Variants in PACSIN1 observed in about 807,000 individuals in gnomAD.
PACSIN1 encodes the protein protein kinase C and casein kinase substrate in neurons 1.
A neutral mutation model predicts 59.5 loss-of-function variants in PACSIN1; 15 were observed. The ratio of observed to expected loss-of-function variants is 0.25; its 90% CI spans 0.17 to 0.39. The LOEUF (loss-of-function observed/expected upper bound fraction) is 0.39. PACSIN1 is among the 10% of genes least tolerant of loss of function. The pLI is 1.00. For synonymous variants in PACSIN1, 210 were observed against 220.6 expected, an observed-to-expected ratio of 0.95 and a Z score of 0.42; for missense variants, 420 against 580.2, an observed-to-expected ratio of 0.72 and a Z score of 2.84.
chr6:34,530,459 G>A lies in PACSIN1; in HGVS notation c.910-1G>A. 6.3e-7 allele frequency: 1 copy of A among 1,599,382 alleles called. No individual in the cohort carries two copies. Among genetic ancestry groups the A allele is most frequent in the Non-Finnish European group, 8.5e-7 (1 of 1,172,172 alleles). ...CCTGACTGCTCCACTGGCCCCACCA[G>A]GAGTGGAACCCAGACCTTCCTCACA... On this transcript the variant is annotated splice_acceptor_variant, in intron 7 of 9. Coordinates refer to ENST00000244458, the MANE Select transcript of PACSIN1 (RefSeq NM_020804.5). LOFTEE classifies it high-confidence loss of function. The surrounding 1 kb of genome is among the most constrained non-coding windows in gnomAD (Gnocchi z 4.4).
chr6:34,468,487 C>T (rs774344074), intron 1 of PACSIN1, among the ~76,000 whole-genome samples: 6 of 152,228 alleles, frequency 3.9e-5, no homozygotes, highest in Non-Finnish European at 5.9e-5. Context: ...GTCTCCCTAA[C>T]GTGGCTCTGC....
At chr6:34,494,801 G>A (rs1406506409) in intron 1 of PACSIN1, among the ~76,000 whole-genome samples, 1 of 152,174 alleles carries the variant, frequency 6.6e-6, no homozygotes, top group Non-Finnish European at 1.5e-5. Flanking sequence ...ACCATACTTT[G>A]AGTATCGAGG....
chr6:34,480,902 A>G (rs1766708874), intron 1 of PACSIN1, among the ~76,000 whole-genome samples: 1 of 151,286 alleles, frequency 6.6e-6, no homozygotes. Flanking sequence ...GGTTACTAGC[A>G]GACTTTTTTT....
Position 34,505,631 on chromosome 6 carries a change from C to CTTTTTT in PACSIN1, c.-63-20600_-63-20595dup, listed in dbSNP as rs35588714. Among the ~76,000 whole-genome samples the CTTTTTT allele has an allele frequency of 4.5e-4, 48 of 106,410 alleles. 1 individual carries two copies. Among genetic ancestry groups the CTTTTTT allele is most frequent in the African/African-American group, 1.8e-3 (46 of 26,038 alleles). 69.8% of individuals were successfully genotyped at this position (106,410 alleles called of 152,430 possible). A position where few individuals can be genotyped will look rare whatever the true frequency, so the allele number is the denominator to read the frequency against. ...CTTTTTTTTATCTCTTACCTCCATA[C>CTTTTTT]TTTTTTTTTTTTTTTTTGAGATGGA... On this transcript the variant is annotated intron_variant, in intron 1 of 9. Transcript: ENST00000244458.
At chr6:34,503,126 G>A (rs976718850) in intron 1 of PACSIN1, among the ~76,000 whole-genome samples, 2 of 152,102 alleles carry the variant, frequency 1.3e-5, no homozygotes, top group South Asian at 2.1e-4. Context: ...AAATTAGCCC[G>A]GCATGGTGGC....
chr6:34,481,376 C>G (rs949174556), intron 1 of PACSIN1, among the ~76,000 whole-genome samples: 3 of 152,070 alleles, frequency 2.0e-5, no homozygotes, highest in Admixed American at 2.0e-4. Flanking sequence ...TACGTTCACA[C>G]GGGTTTTTGA....
At chr6:34,494,545 C>T (rs1766920701) in intron 1 of PACSIN1, among the ~76,000 whole-genome samples, 1 of 152,144 alleles carries the variant, frequency 6.6e-6, no homozygotes, top group Non-Finnish European at 1.5e-5. Flanking sequence ...TGGGCTCCAG[C>T]AATCCTCCTA....
rs1022209259 is a variant in PACSIN1 at position 34,515,585 on chromosome 6, G to T, written c.-63-10658G>T. On this transcript the variant is annotated intron_variant, in intron 1 of 9. Coordinates refer to ENST00000244458, the MANE Select transcript of PACSIN1 (RefSeq NM_020804.5). The surrounding 1 kb of genome is among the most constrained non-coding windows in gnomAD (Gnocchi z 4.4). ...TCAGGCACTGGGCTTAGAGCCCCCT[G>T]GTCAGGTCAGAGGCATCTACCTCCT... Among the ~76,000 whole-genome samples, 3 of 152,148 alleles carry T rather than the reference G, an allele frequency of 2.0e-5. No individual in the cohort carries two copies. Among genetic ancestry groups the T allele is most frequent in the African/African-American group, 7.2e-5 (3 of 41,430 alleles).
intron 1 of PACSIN1, among the ~76,000 whole-genome samples, chr6:34,480,646 C>T (rs1469881418): frequency 6.6e-6 from 1 of 151,782 alleles, no homozygotes; most frequent in Non-Finnish European, 1.5e-5. Flanking sequence ...GTTCTGCTGG[C>T]TTCCATGAAG....
intron 1 of PACSIN1, among the ~76,000 whole-genome samples, chr6:34,480,548 T>C (rs1341441003): frequency 6.6e-6 from 1 of 152,168 alleles, no homozygotes; most frequent in Non-Finnish European, 1.5e-5. Context: ...TATATAATAG[T>C]TTCTAATATG....
At chr6:34,500,330 C>T (rs1001051528) in intron 1 of PACSIN1, among the ~76,000 whole-genome samples, 2 of 152,144 alleles carry the variant, frequency 1.3e-5, no homozygotes, top group Non-Finnish European at 2.9e-5. Context: ...AATTAAAAAA[C>T]GAGTGTTGCA....
At chr6:34,502,031 CAA>C (rs55848755) in intron 1 of PACSIN1, among the ~76,000 whole-genome samples, 282 of 67,208 alleles carry the variant, frequency 4.2e-3, no homozygotes, top group African/African-American at 0.013. Flanking sequence ...GACTCTGTCT[CAA>C]AAAAAAAAAA....
At chr6:34,526,950 GCTCAA>G (rs1767495906) in intron 2 of PACSIN1, among the ~76,000 whole-genome samples, 1 of 152,174 alleles carries the variant, frequency 6.6e-6, no homozygotes, top group Admixed American at 6.5e-5. Context: ...AGAAGCTGCA[GCTCAA>G]CTCAACGCTT....
chr6:34,478,403 C>T (rs1206559757), intron 1 of PACSIN1, among the ~76,000 whole-genome samples: 3 of 129,274 alleles, frequency 2.3e-5, no homozygotes, highest in Admixed American at 8.2e-5. Context: ...GATGGAGTCT[C>T]GCTCTGTCAC....
chr6:34,528,915 G>GGGGGGGC, intron 4 of PACSIN1, 38 bp downstream of exon 4: 8 of 653,162 alleles, frequency 1.2e-5, no homozygotes, highest in East Asian at 8.7e-5. Context: ...GGTGGGGTGG[G>GGGGGGGC]CCCGTCTGAT....
At chr6:34,472,743 G>A (rs1177141879) in intron 1 of PACSIN1, among the ~76,000 whole-genome samples, 1 of 152,116 alleles carries the variant, frequency 6.6e-6, no homozygotes, top group East Asian at 1.9e-4. Context: ...CTGGCGGGAT[G>A]GGAAAGGGGG....
chr6:34,482,689 T>TG (rs200451508), intron 1 of PACSIN1, among the ~76,000 whole-genome samples: 1,686 of 151,904 alleles, frequency 0.011, 44 homozygotes, highest in East Asian at 0.094. Context: ...TTTTTGTTTT[T>TG]TTTTTTTTGA....
chr6:34,472,505 A>T (rs1766586050), intron 1 of PACSIN1, among the ~76,000 whole-genome samples: 1 of 152,162 alleles, frequency 6.6e-6, no homozygotes, highest in African/African-American at 2.4e-5. Flanking sequence ...AACAAATATC[A>T]TTACTCATGA....
At chr6:34,503,275 A>AAAAAG (rs374284182) in intron 1 of PACSIN1, among the ~76,000 whole-genome samples, 7 of 148,412 alleles carry the variant, frequency 4.7e-5, no homozygotes, top group South Asian at 2.2e-4. Context: ...TCAAAAAAAA[A>AAAAAG]AAAAAGAAAA....
Sources: allele counts gnomAD v4.1 joint callset (sites outside exome capture counted in the v4.1 genomes callset), GRCh38; gene constraint gnomAD v4.1.1; non-coding constraint Gnocchi (gnomAD v3.1); transcripts MANE v1.5; gene names NCBI Gene and HGNC (gene_info 2026-07-23, HGNC 2026-07-21).